MAGI1: variants seen among roughly 807,000 people sequenced by gnomAD.
MAGI1 encodes the protein membrane associated guanylate kinase, WW and PDZ domain containing 1.
A neutral mutation model predicts 139.9 loss-of-function variants in MAGI1; 58 were observed. The observed-to-expected ratio is 0.41, with a 90% CI of 0.34 to 0.52. The LOEUF (loss-of-function observed/expected upper bound fraction) is 0.52, where lower values mean the gene tolerates loss of function less well. Ranked by LOEUF, MAGI1 falls within the 20% of genes least tolerant of loss-of-function variation. The pLI, the probability that MAGI1 is intolerant of heterozygous loss-of-function variation, is 0.12. For missense variants in MAGI1, 1,874 were observed against 1,901.6 expected (o/e 0.99, Z 0.27); for synonymous variants, 812 against 737.9 (o/e 1.10, Z -1.63).
rs1553699336 is a variant in MAGI1 at position 65,735,356 on chromosome 3, C to CATGTGTGTGTGTGTGTGTGTGT, written c.314-113269_314-113268insACACACACACACACACACACAT. On this transcript the variant is annotated intron_variant, in intron 1 of 22. Transcript: ENST00000402939. ...GCCTGTTTTTAAAAGTGTGTCTGCA[C>CATGTGTGTGTGTGTGTGTGTGT]GTGTGTGTGTGTGTGTGTGTGTACA... is the stretch of plus-strand genomic sequence containing the variant. Among the ~76,000 whole-genome samples, 629 of 148,180 alleles carry CATGTGTGTGTGTGTGTGTGTGT rather than the reference C, an allele frequency of 4.2e-3. 6 individuals carry two copies. The highest frequency in any genetic ancestry group is 0.015 in the African/African-American group (614 of 39,632).
intron 12 of MAGI1, among the ~76,000 whole-genome samples, chr3:65,427,529 G>T (rs143956277): frequency 8.3e-4 from 127 of 152,294 alleles, no homozygotes; most frequent in African/African-American, 3.0e-3. Context: ...GGAGAACAAG[G>T]TGGTTTGTGT....
At chr3:65,666,392 A>T (rs755204776) in intron 1 of MAGI1, among the ~76,000 whole-genome samples, 1 of 152,244 alleles carries the variant, frequency 6.6e-6, no homozygotes, top group African/African-American at 2.4e-5. Context: ...GATGTCCAAC[A>T]ATCTTTCTCT....
intron 1 of MAGI1, among the ~76,000 whole-genome samples, chr3:65,795,170 G>A (rs995572698): frequency 6.6e-6 from 1 of 152,176 alleles, no homozygotes; most frequent in African/African-American, 2.4e-5. Flanking sequence ...GGACATTTAT[G>A]TTCAAACACA....
intron 1 of MAGI1, among the ~76,000 whole-genome samples, chr3:65,821,148 G>A (rs2041929082): frequency 6.6e-6 from 1 of 152,094 alleles, no homozygotes; most frequent in African/African-American, 2.4e-5. Flanking sequence ...AATTTAAGTA[G>A]ACTAAACCTT....
chr3:65,987,091 C>T (rs926654469), intron 1 of MAGI1, among the ~76,000 whole-genome samples: 1 of 152,092 alleles, frequency 6.6e-6, no homozygotes, highest in African/African-American at 2.4e-5. Context: ...AGACTGGTCT[C>T]GAACTCCTGA....
intron 1 of MAGI1, among the ~76,000 whole-genome samples, chr3:65,706,552 C>CA: frequency 6.6e-6 from 1 of 152,292 alleles, no homozygotes; most frequent in East Asian, 1.9e-4. Context: ...AACAGCATCA[C>CA]AACAGACTGT....
intron 2 of MAGI1, among the ~76,000 whole-genome samples, chr3:65,557,351 T>C (rs1244798557): frequency 6.6e-6 from 1 of 152,212 alleles, no homozygotes; most frequent in East Asian, 1.9e-4. Context: ...TAAAGCCTCC[T>C]GTCAACAGCC....
At chr3:65,863,801 A>G (rs1454443895) in intron 1 of MAGI1, among the ~76,000 whole-genome samples, 1 of 152,178 alleles carries the variant, frequency 6.6e-6, no homozygotes, top group Non-Finnish European at 1.5e-5. Context: ...ATTAAATATT[A>G]TACATCTATA....
At chr3:65,890,103 C>A (rs1020782256) in intron 1 of MAGI1, among the ~76,000 whole-genome samples, 3 of 139,870 alleles carry the variant, frequency 2.1e-5, no homozygotes, top group Non-Finnish European at 4.5e-5. Flanking sequence ...CGGTGGCTCA[C>A]GCCTGTAATC....
At chr3:65,911,546 C>T (rs904448460) in intron 1 of MAGI1, among the ~76,000 whole-genome samples, 1 of 151,938 alleles carries the variant, frequency 6.6e-6, no homozygotes, top group African/African-American at 2.4e-5. Context: ...ATTTTTTTTG[C>T]ACTTAGGACC....
chr3:65,794,428 G>A (rs922440526), intron 1 of MAGI1, among the ~76,000 whole-genome samples: 8 of 152,100 alleles, frequency 5.3e-5, no homozygotes, highest in Admixed American at 3.3e-4. Context: ...CAGTGACTAA[G>A]ACTGCGCCCA....
intron 1 of MAGI1, among the ~76,000 whole-genome samples, chr3:65,666,720 A>C (rs1047854324): frequency 2.6e-5 from 4 of 152,166 alleles, no homozygotes; most frequent in African/African-American, 9.7e-5. Context: ...GCCATAGAAA[A>C]AGATGAAACA....
chr3:65,916,251 TAG>T (rs1437797435), intron 1 of MAGI1, among the ~76,000 whole-genome samples: 5 of 152,028 alleles, frequency 3.3e-5, no homozygotes, highest in Non-Finnish European at 7.4e-5. Flanking sequence ...GTATTTTTAG[TAG>T]AGACGGGGTT....
intron 2 of MAGI1, among the ~76,000 whole-genome samples, chr3:65,583,495 A>G (rs2081534374): frequency 6.6e-6 from 1 of 152,104 alleles, no homozygotes; most frequent in African/African-American, 2.4e-5. Context: ...TTCCAGTGAC[A>G]TTCCTAAGAT....
intron 1 of MAGI1, among the ~76,000 whole-genome samples, chr3:65,781,292 A>C (rs1307817354): frequency 6.6e-6 from 1 of 152,218 alleles, no homozygotes; most frequent in Non-Finnish European, 1.5e-5. Context: ...CTGACACAAT[A>C]CAAGATATCT....
chr3:65,726,562 T>C (rs559207113), intron 1 of MAGI1, among the ~76,000 whole-genome samples: 62 of 152,202 alleles, frequency 4.1e-4, no homozygotes, highest in Non-Finnish European at 7.5e-4. Flanking sequence ...AATCTCTAAA[T>C]AATGCCACCC....
At position 65,437,253 on chromosome 3, in the gene MAGI1, AAAAAG is replaced by A. The variant is rs775743339; in HGVS notation, c.1271-11_1271-7del. ...TGAGTGATCTTCTGTCCATTCTATG[AAAAAG>A]AAAAGAAAGTTTCCTATTTTTCCTT... On this transcript the variant is annotated splice_polypyrimidine_tract_variant and splice_region_variant and intron_variant, in intron 9 of 22. Coordinates refer to ENST00000402939, the MANE Select transcript of MAGI1 (RefSeq NM_001033057.2). The A allele has an allele frequency of 6.3e-7, 1 of 1,590,928 alleles. No homozygotes were observed. Among genetic ancestry groups the A allele is most frequent in the Admixed American group, 1.7e-5 (1 of 59,164 alleles).
chr3:65,655,479 C>A (rs538453324), intron 1 of MAGI1, among the ~76,000 whole-genome samples: 1 of 152,174 alleles, frequency 6.6e-6, no homozygotes, highest in African/African-American at 2.4e-5. Context: ...CCTCCTTCCA[C>A]TGATGGTACA....
intron 2 of MAGI1, among the ~76,000 whole-genome samples, chr3:65,542,300 C>A (rs909817989): frequency 6.6e-6 from 1 of 152,192 alleles, no homozygotes; most frequent in Non-Finnish European, 1.5e-5. Context: ...ACATTCCATG[C>A]TCATGGATAG....
Sources: allele counts gnomAD v4.1 joint callset (sites outside exome capture counted in the v4.1 genomes callset), GRCh38; gene constraint gnomAD v4.1.1; transcripts MANE v1.5; gene names NCBI Gene and HGNC (gene_info 2026-07-23, HGNC 2026-07-21).